The following GNAO1 variants were observed in gnomAD, a reference collection of about 807,000 sequenced individuals.
GNAO1 encodes G protein subunit alpha o1, also known as guanine nucleotide-binding protein G(o) subunit alpha.
For synonymous variants in GNAO1, 164 were observed against 180.7 expected (o/e 0.91, Z 0.74); for missense variants, 166 against 478.7 (o/e 0.35, Z 6.10).
intron 2 of GNAO1, among the ~76,000 whole-genome samples, chr16:56,249,344 C>T (rs1483044613): frequency 1.3e-5 from 2 of 152,172 alleles, no homozygotes; most frequent in African/African-American, 4.8e-5. Context: ...GCTACGACAC[C>T]GTTTCCTTCA....
Position 56,357,383 on chromosome 16 carries a change from T to C in GNAO1, c.*1309T>C, listed in dbSNP as rs1480812824. 4 of 152,182 alleles carry C rather than the reference T, an allele frequency of 2.6e-5. No homozygotes were observed. Among genetic ancestry groups the C allele is most frequent in the Non-Finnish European group, 4.4e-5 (3 of 68,050 alleles). The allele number at this position is 152,182 out of a possible 1,614,324, so 9.4% of individuals were successfully genotyped here. On this transcript the variant is annotated 3_prime_UTR_variant, in exon 9 of 9. Coordinates refer to ENST00000262493, the MANE Select transcript of GNAO1 (RefSeq NM_020988.3). Reference sequence around the variant, plus strand: ...TCTGTGATATCTTACACACTGCCAGTCTACTTCTCTGACTAATGGAAAATT... The same window carrying C: ...TCTGTGATATCTTACACACTGCCAGCCTACTTCTCTGACTAATGGAAAATT...
intron 6 of GNAO1, among the ~76,000 whole-genome samples, chr16:56,348,555 G>C (rs185825906): frequency 6.6e-6 from 1 of 152,220 alleles, no homozygotes; most frequent in Non-Finnish European, 1.5e-5. Flanking sequence ...AGGTCTAGGG[G>C]GTTGGCTGTC....
At chr16:56,345,345 C>G (rs927431670) in intron 6 of GNAO1, 2 of 985,496 alleles carry the variant, frequency 2.0e-6, no homozygotes, top group African/African-American at 3.5e-5. Context: ...CCTCCCTCCT[C>G]AAGCCCTCTG....
At chr16:56,258,525 A>T (rs138574723) in intron 2 of GNAO1, among the ~76,000 whole-genome samples, 90 of 152,314 alleles carry the variant, frequency 5.9e-4, no homozygotes, top group African/African-American at 2.1e-3. Context: ...CAGAGCAGAA[A>T]ACCCCTTGCC....
intron 3 of GNAO1, among the ~76,000 whole-genome samples, chr16:56,285,241 C>T (rs2037154245): frequency 6.6e-6 from 1 of 152,184 alleles, no homozygotes. Context: ...GTCTTTCACA[C>T]TCCAACCCCG....
chr16:56,213,494 T>G (rs1471510184), intron 2 of GNAO1: 1 of 394,956 alleles, frequency 2.5e-6, no homozygotes, highest in African/African-American at 2.1e-5. Context: ...ATGTTAGTTT[T>G]GGTTTTGGGG....
At chr16:56,282,357 G>C (rs1474893468) in intron 3 of GNAO1, among the ~76,000 whole-genome samples, 1 of 91,592 alleles carries the variant, frequency 1.1e-5, no homozygotes, top group Non-Finnish European at 2.1e-5. Flanking sequence ...ACATGTGTTG[G>C]CAATTATTCT....
chr16:56,205,127 A>T (rs1362946504), intron 2 of GNAO1, among the ~76,000 whole-genome samples: 3 of 152,238 alleles, frequency 2.0e-5, no homozygotes, highest in Non-Finnish European at 4.4e-5. Flanking sequence ...TGTTGTGTCC[A>T]TATGTACTCT....
intron 2 of GNAO1, among the ~76,000 whole-genome samples, chr16:56,246,220 C>T (rs1284783653): frequency 2.6e-5 from 4 of 152,206 alleles, no homozygotes; most frequent in African/African-American, 9.7e-5. Flanking sequence ...AGCCCAAGCA[C>T]CCAGACTGCT....
chr16:56,272,918 A>G (rs1290768674), intron 2 of GNAO1, among the ~76,000 whole-genome samples: 3 of 152,184 alleles, frequency 2.0e-5, no homozygotes, highest in South Asian at 2.1e-4. Context: ...GGGGAAGCAT[A>G]TCATAGCATG....
chr16:56,325,088 C>T (rs1436000897), intron 3 of GNAO1, among the ~76,000 whole-genome samples: 1 of 152,220 alleles, frequency 6.6e-6, no homozygotes, highest in Non-Finnish European at 1.5e-5. Flanking sequence ...CTTCTAGAGC[C>T]ACGTGCCATG....
chr16:56,233,591 G>C (rs1481968707), intron 2 of GNAO1, among the ~76,000 whole-genome samples: 2 of 152,208 alleles, frequency 1.3e-5, no homozygotes, highest in Non-Finnish European at 2.9e-5. Context: ...CCTGGAAGGT[G>C]GCAGTGTCAT....
chr16:56,203,955 G>A (rs1372255013), intron 2 of GNAO1, among the ~76,000 whole-genome samples: 1 of 152,180 alleles, frequency 6.6e-6, no homozygotes, highest in Non-Finnish European at 1.5e-5. Flanking sequence ...TATATAGGGT[G>A]CCAAGTCAGG....
chr16:56,224,565 C>T (rs1276563912), intron 2 of GNAO1, among the ~76,000 whole-genome samples: 1 of 152,246 alleles, frequency 6.6e-6, no homozygotes, highest in Non-Finnish European at 1.5e-5. Flanking sequence ...GCAGCTTTGC[C>T]TCCCAGGTTC....
intron 6 of GNAO1, chr16:56,340,997 C>T: frequency 3.7e-6 from 6 of 1,610,112 alleles, no homozygotes; most frequent in Non-Finnish European, 5.1e-6. Flanking sequence ...GGTAGAGACC[C>T]CTCCAGGGAC....
intron 2 of GNAO1, among the ~76,000 whole-genome samples, chr16:56,249,223 G>A (rs949517795): frequency 1.3e-5 from 2 of 152,142 alleles, no homozygotes; most frequent in Non-Finnish European, 2.9e-5. Flanking sequence ...TGGAGGTGAT[G>A]GTCTCTGAGA....
chr16:56,208,815 T>G (rs2036357195), intron 2 of GNAO1, among the ~76,000 whole-genome samples: 1 of 152,224 alleles, frequency 6.6e-6, no homozygotes, highest in Non-Finnish European at 1.5e-5. Flanking sequence ...CTTTTTAAAT[T>G]AGGTTGTAAT....
Position 56,351,626 on chromosome 16 carries a change from G to A in GNAO1, c.877+89G>A, listed in dbSNP as rs551790092. ...AACAGGCTGCTCGGCCAGCACTGCT[G>A]GGGCTAGCTGGCGAGCGGGACCCAT... On this transcript the variant is annotated intron_variant, in intron 7 of 8. Transcript: ENST00000262493. The surrounding 1 kb of genome is among the most constrained non-coding windows in gnomAD (Gnocchi z 6.1). 3 of 1,029,728 alleles carry A rather than the reference G, an allele frequency of 2.9e-6. No homozygotes were observed. Among genetic ancestry groups the A allele is most frequent in the African/African-American group, 1.6e-5 (1 of 63,220 alleles). The allele number at this position is 1,029,728 out of a possible 1,614,324, so 63.8% of individuals were successfully genotyped here. A position where few individuals can be genotyped will look rare whatever the true frequency, so the allele number is the denominator to read the frequency against.
intron 3 of GNAO1, among the ~76,000 whole-genome samples, chr16:56,282,580 A>C (rs1208946196): frequency 6.6e-6 from 1 of 152,266 alleles, no homozygotes; most frequent in Non-Finnish European, 1.5e-5. Flanking sequence ...GTTTACAACA[A>C]GACAAAAGAC....
Sources: allele counts gnomAD v4.1 joint callset (sites outside exome capture counted in the v4.1 genomes callset), GRCh38; gene constraint gnomAD v4.1.1; non-coding constraint Gnocchi (gnomAD v3.1); transcripts MANE v1.5; gene names NCBI Gene and HGNC (gene_info 2026-07-23, HGNC 2026-07-21).